ZNF277: variants seen among roughly 807,000 people sequenced by gnomAD.
ZNF277 encodes zinc finger protein 277, also known as nuclear receptor-interacting factor 4.
Under a neutral mutation model 60.7 loss-of-function variants are expected in ZNF277, and 55 were observed. The ratio of observed to expected loss-of-function variants is 0.91; its 90% CI spans 0.73 to 1.13. The LOEUF (loss-of-function observed/expected upper bound fraction) is 1.13, where lower values mean the gene tolerates loss of function less well. Among genes scored for constraint, ZNF277 ranks in the 50% most tolerant of loss-of-function variants. The pLI is 0.00. For synonymous variants in ZNF277, 178 were observed against 179.3 expected (o/e 0.99, Z 0.06); for missense variants, 510 against 523.0 (o/e 0.98, Z 0.24).
At chr7:112,218,432 C>G (rs1218823182) in intron 1 of ZNF277, among the ~76,000 whole-genome samples, 3 of 152,150 alleles carry the variant, frequency 2.0e-5, no homozygotes, top group African/African-American at 7.2e-5. Flanking sequence ...TGTGGAATGG[C>G]TAAAATAAGC....
intron 9 of ZNF277, 110 bp downstream of exon 9, chr7:112,337,936 A>T (rs1793365265): frequency 2.3e-6 from 2 of 883,622 alleles, no homozygotes; most frequent in African/African-American, 1.7e-5. Flanking sequence ...TATTCCAACC[A>T]GAAGAGACAG....
intron 9 of ZNF277, among the ~76,000 whole-genome samples, chr7:112,338,092 A>C (rs985952702): frequency 4.6e-5 from 7 of 152,224 alleles, no homozygotes; most frequent in African/African-American, 1.7e-4. Flanking sequence ...ATTCTAGCTC[A>C]GCAGGTGGGA....
chr7:112,333,701 G>A (rs1176579312), intron 7 of ZNF277, among the ~76,000 whole-genome samples: 1 of 152,226 alleles, frequency 6.6e-6, no homozygotes, highest in Non-Finnish European at 1.5e-5. Context: ...TCTTAGGTGA[G>A]ATAATTTCTG....
chr7:112,264,170 T>C (rs766174502), intron 1 of ZNF277, among the ~76,000 whole-genome samples: 1 of 152,024 alleles, frequency 6.6e-6, no homozygotes, highest in Non-Finnish European at 1.5e-5. Context: ...AATATTACTG[T>C]GCATAAGCCA....
intron 1 of ZNF277, among the ~76,000 whole-genome samples, chr7:112,285,926 CT>C (rs1386391594): frequency 6.6e-6 from 1 of 152,162 alleles, no homozygotes; most frequent in Non-Finnish European, 1.5e-5. Context: ...AGGTTCTCTT[CT>C]TTCTGAAGGT....
intron 1 of ZNF277, among the ~76,000 whole-genome samples, chr7:112,262,684 T>C (rs1279911236): frequency 6.6e-6 from 1 of 152,150 alleles, no homozygotes; most frequent in Non-Finnish European, 1.5e-5. Flanking sequence ...GTCTTGATAG[T>C]ATAAAAATGT....
Position 112,343,159 on chromosome 7 carries a change from C to T in ZNF277, c.*430C>T, listed in dbSNP as rs560022312. The T allele has an allele frequency of 6.5e-6, 1 of 154,968 alleles. No individual in the cohort carries two copies. The highest frequency in any genetic ancestry group is 1.9e-4 in the East Asian group (1 of 5,268). 9.6% of individuals were successfully genotyped at this position (154,968 alleles called of 1,614,324 possible). The stretch of plus-strand genomic sequence containing the variant: ...AAGTTGCAAAATTTGAATATCCCTT[C>T]TGTACTATATTGGGTGAGCTGTAAA... On this transcript the variant is annotated 3_prime_UTR_variant, in exon 12 of 12. Transcript: ENST00000361822.
intron 4 of ZNF277, among the ~76,000 whole-genome samples, chr7:112,307,737 C>G (rs1241612484): frequency 6.6e-6 from 1 of 151,762 alleles, no homozygotes; most frequent in African/African-American, 2.4e-5. Flanking sequence ...GTATCTATCT[C>G]CTAAGCAGAA....
chr7:112,223,682 G>A (rs572420337), intron 1 of ZNF277, among the ~76,000 whole-genome samples: 2 of 152,156 alleles, frequency 1.3e-5, no homozygotes, highest in East Asian at 3.8e-4. Context: ...CCACAAAGGC[G>A]CTTTTGTCCA....
chr7:112,322,851 T>C (rs1034892738), intron 5 of ZNF277, among the ~76,000 whole-genome samples: 2 of 152,132 alleles, frequency 1.3e-5, no homozygotes, highest in Non-Finnish European at 2.9e-5. Flanking sequence ...ACTCTGGAAA[T>C]TGGATTCCTC....
At position 112,343,290 on chromosome 7, in the gene ZNF277, A is replaced by T. The variant is rs1479004256; in HGVS notation, c.*561A>T. Among the ~76,000 whole-genome samples the T allele has an allele frequency of 6.6e-6, 1 of 152,234 alleles. No individual in the cohort carries two copies. Among genetic ancestry groups the T allele is most frequent in the Non-Finnish European group, 1.5e-5 (1 of 68,040 alleles). On this transcript the variant is annotated 3_prime_UTR_variant, in exon 12 of 12. Transcript: ENST00000361822. ...AGAACAATCAAGAGCTGACTGTGTT[A>T]TTACCACTTTCTGCCTAGGGTGGCC...
intron 9 of ZNF277, among the ~76,000 whole-genome samples, chr7:112,338,817 C>T (rs138654049): frequency 2.6e-4 from 39 of 152,262 alleles, no homozygotes; most frequent in South Asian, 1.7e-3. Context: ...ATTACCTTTT[C>T]GGCATCCTTG....
At chr7:112,252,486 A>C (rs890621450) in intron 1 of ZNF277, among the ~76,000 whole-genome samples, 1 of 152,192 alleles carries the variant, frequency 6.6e-6, no homozygotes, top group Non-Finnish European at 1.5e-5. Flanking sequence ...ACTTAAAAAG[A>C]AACAAAACTC....
intron 1 of ZNF277, among the ~76,000 whole-genome samples, chr7:112,237,169 T>G (rs1040879272): frequency 3.3e-5 from 5 of 152,056 alleles, no homozygotes; most frequent in African/African-American, 1.2e-4. Context: ...TAAAAAAATT[T>G]TGAAACAAAT....
intron 1 of ZNF277, among the ~76,000 whole-genome samples, chr7:112,279,967 C>T (rs1437476834): frequency 1.3e-5 from 2 of 152,068 alleles, no homozygotes; most frequent in African/African-American, 4.8e-5. Flanking sequence ...GAGAGATGGG[C>T]ACACTAGGTG....
At chr7:112,246,892 A>C (rs561389823) in intron 1 of ZNF277, among the ~76,000 whole-genome samples, 2 of 152,312 alleles carry the variant, frequency 1.3e-5, no homozygotes, top group Admixed American at 6.5e-5. Flanking sequence ...TTAGGAATGC[A>C]AGTCGTTTTA....
At chr7:112,239,569 A>G (rs1790894952) in intron 1 of ZNF277, among the ~76,000 whole-genome samples, 2 of 152,242 alleles carry the variant, frequency 1.3e-5, no homozygotes, top group Non-Finnish European at 2.9e-5. Context: ...AGGTAAGGAA[A>G]GAGAACAAGA....
chr7:112,311,455 A>G (rs76967897), intron 4 of ZNF277, among the ~76,000 whole-genome samples: 9,009 of 152,236 alleles, frequency 0.059, 726 homozygotes, highest in African/African-American at 0.18. Context: ...TGTCTGAGCC[A>G]TGCTCTTCAT....
chr7:112,210,927 A>T (rs1281646650), intron 1 of ZNF277, among the ~76,000 whole-genome samples: 3 of 152,242 alleles, frequency 2.0e-5, no homozygotes, highest in Non-Finnish European at 4.4e-5. Context: ...TTTAAAAATC[A>T]GCAAGGTAGC....
Sources: gnomAD v4.1 joint callset for allele counts (sites outside exome capture counted in the v4.1 genomes callset) on GRCh38, gnomAD v4.1.1 for gene constraint, MANE v1.5 for transcripts, NCBI Gene and HGNC (gene_info 2026-07-23, HGNC 2026-07-21) for gene names.